Variants in SLIT3 observed in about 807,000 individuals in gnomAD.
SLIT3 encodes slit guidance ligand 3.
Under a neutral mutation model 184.0 loss-of-function variants are expected in SLIT3, and 68 were observed. The ratio of observed to expected loss-of-function variants is 0.37; its 90% CI spans 0.30 to 0.45. The LOEUF (loss-of-function observed/expected upper bound fraction) is 0.45. Ranked by LOEUF, SLIT3 falls within the 20% of genes least tolerant of loss-of-function variation. The probability of loss-of-function intolerance (pLI) is 1.00; values close to 1 mark genes in which losing one functional copy is unlikely to be tolerated. For synonymous variants in SLIT3, 831 were observed against 828.6 expected (o/e 1.00, Z -0.05); for missense variants, 1,707 against 2,026.0 (o/e 0.84, Z 3.02).
At chr5:168,752,330 A>G (rs1754745312) in intron 18 of SLIT3, 1 of 151,868 alleles carries the variant, frequency 6.6e-6, no homozygotes, top group African/African-American at 2.4e-5. Context: ...TTTCTTCAAC[A>G]GCTACCTCCC....
intron 4 of SLIT3, among the ~76,000 whole-genome samples, chr5:168,942,735 CTGGTTTTGCCTTT>C (rs199804455): frequency 0.35 from 53,484 of 151,756 alleles, 9,991 homozygotes; most frequent in African/African-American, 0.48. Context: ...ATTGGCTGGT[CTGGTTTTGCCTTT>C]CAGGGCCTCT....
intron 18 of SLIT3, among the ~76,000 whole-genome samples, chr5:168,751,645 C>T (rs547447024): frequency 4.7e-4 from 72 of 152,328 alleles, no homozygotes; most frequent in African/African-American, 1.7e-3. Flanking sequence ...AGCGCACTAC[C>T]CGGGCAGGAG....
intron 4 of SLIT3, among the ~76,000 whole-genome samples, chr5:169,088,467 T>C (rs1255676391): frequency 6.6e-6 from 1 of 150,530 alleles, no homozygotes; most frequent in Non-Finnish European, 1.5e-5. Flanking sequence ...GGCATAAGAA[T>C]AGCAAACCCA....
chr5:169,191,023 G>C (rs1763534529), intron 4 of SLIT3, among the ~76,000 whole-genome samples: 1 of 152,118 alleles, frequency 6.6e-6, no homozygotes, highest in South Asian at 2.1e-4. Context: ...CAGCTTTTTG[G>C]CAGCCATTCA....
At chr5:168,894,814 C>G (rs1454653559) in intron 4 of SLIT3, among the ~76,000 whole-genome samples, 2 of 152,232 alleles carry the variant, frequency 1.3e-5, no homozygotes, top group Non-Finnish European at 2.9e-5. Flanking sequence ...TCCCCTCCTC[C>G]TTTCTGAATT....
chr5:168,930,874 G>A (rs939443136), intron 4 of SLIT3, among the ~76,000 whole-genome samples: 3 of 151,914 alleles, frequency 2.0e-5, no homozygotes, highest in Non-Finnish European at 4.4e-5. Context: ...TGCCATGAGT[G>A]ATGTGCCTCC....
At chr5:169,182,499 A>G (rs927443909) in intron 4 of SLIT3, among the ~76,000 whole-genome samples, 3 of 152,206 alleles carry the variant, frequency 2.0e-5, no homozygotes, top group African/African-American at 4.8e-5. Flanking sequence ...AAAGTTACAG[A>G]TGTTTTTGGT....
intron 4 of SLIT3, among the ~76,000 whole-genome samples, chr5:169,073,405 C>T (rs1267157632): frequency 1.3e-5 from 2 of 151,862 alleles, no homozygotes; most frequent in African/African-American, 2.4e-5. Context: ...CTCTGTCATT[C>T]GTTCTCATCT....
At chr5:169,158,478 A>AG (rs1762377757) in intron 4 of SLIT3, among the ~76,000 whole-genome samples, 1 of 152,190 alleles carries the variant, frequency 6.6e-6, no homozygotes, top group African/African-American at 2.4e-5. Flanking sequence ...ATGGCTAAAA[A>AG]AAAATCCTCT....
At chr5:168,896,042 G>C (rs1053140354) in intron 4 of SLIT3, among the ~76,000 whole-genome samples, 22 of 152,154 alleles carry the variant, frequency 1.4e-4, no homozygotes, top group Non-Finnish European at 2.6e-4. Context: ...TAGGAGGCAG[G>C]GGGGAAACTT....
chr5:169,044,588 G>GT (rs200805766), intron 4 of SLIT3, among the ~76,000 whole-genome samples: 1,018 of 84,406 alleles, frequency 0.012, 14 homozygotes, highest in African/African-American at 0.061. Context: ...GGAGGAAGGT[G>GT]GGGGGGGGGA....
intron 4 of SLIT3, among the ~76,000 whole-genome samples, chr5:169,075,168 T>C (rs1758692827): frequency 6.6e-6 from 1 of 152,002 alleles, no homozygotes; most frequent in Non-Finnish European, 1.5e-5. Flanking sequence ...CTTCTCCTTG[T>C]TCTAATTTTG....
At chr5:168,875,590 C>T (rs1379860400) in intron 5 of SLIT3, among the ~76,000 whole-genome samples, 3 of 151,444 alleles carry the variant, frequency 2.0e-5, no homozygotes, top group Non-Finnish European at 2.9e-5. Context: ...GCCGAGATTG[C>T]GCCACTGCAC....
intron 1 of SLIT3, among the ~76,000 whole-genome samples, chr5:169,267,778 C>T (rs937542102): frequency 6.6e-6 from 1 of 152,184 alleles, no homozygotes; most frequent in Non-Finnish European, 1.5e-5. Flanking sequence ...TGGTTGCCCA[C>T]CATGTCTTTG....
At chr5:169,213,369 G>T (rs1335231069) in intron 3 of SLIT3, among the ~76,000 whole-genome samples, 1 of 152,176 alleles carries the variant, frequency 6.6e-6, no homozygotes, top group Non-Finnish European at 1.5e-5. Context: ...GTAATTTATA[G>T]ATTCAATGCT....
chr5:169,251,609 C>T, intron 1 of SLIT3, 150 bp from the exon 2 acceptor site: 1 of 637,944 alleles, frequency 1.6e-6, no homozygotes, highest in African/African-American at 1.8e-5. Context: ...CCCGGCTAAC[C>T]TTAAGGATAT....
chr5:168,885,593 G>T (rs181103853), intron 4 of SLIT3, among the ~76,000 whole-genome samples: 18 of 152,304 alleles, frequency 1.2e-4, no homozygotes, highest in Non-Finnish European at 2.4e-4. Flanking sequence ...CTGGTCTGTA[G>T]GCCACCGAGC....
rs913831676 is a variant in SLIT3, at chr5:169,238,112, T to C, written c.341+6593A>G. ...AAATATCATGCTGTCTGGATTACTA[T>C]AGCTTTACAGTAAGTCTTGAAACTG... On this transcript the variant is annotated intron_variant, in intron 3 of 35. Transcript: ENST00000519560. Among the ~76,000 whole-genome samples, 3 of 152,222 alleles carry C rather than the reference T, an allele frequency of 2.0e-5. No individual in the cohort carries two copies. In the South Asian group the frequency reaches 6.2e-4, roughly 31 times the overall value.
chr5:168,873,140 G>C (rs147011212), intron 5 of SLIT3, among the ~76,000 whole-genome samples: 2 of 151,902 alleles, frequency 1.3e-5, no homozygotes, highest in Non-Finnish European at 2.9e-5. Context: ...GGTTTTTCCC[G>C]GCCAATCTCT....
Sources: gnomAD v4.1 joint callset for allele counts (sites outside exome capture counted in the v4.1 genomes callset) on GRCh38, gnomAD v4.1.1 for gene constraint, MANE v1.5 for transcripts, NCBI Gene and HGNC (gene_info 2026-07-23, HGNC 2026-07-21) for gene names.